Variants in CNTNAP2 observed in about 807,000 individuals in gnomAD.
CNTNAP2 encodes contactin-associated protein-like 2.
In CNTNAP2, 98 loss-of-function variants were observed where a neutral mutation model predicts 155.2. The ratio of observed to expected loss-of-function variants is 0.63; its 90% CI spans 0.54 to 0.75. The LOEUF is 0.75. Ranked by LOEUF, CNTNAP2 falls within the 30% of genes least tolerant of loss-of-function variation. The pLI, the probability that CNTNAP2 is intolerant of heterozygous loss-of-function variation, is 0.00. For missense variants in CNTNAP2, 1,727 were observed against 1,688.1 expected (o/e 1.02, Z -0.40); for synonymous variants, 651 against 631.2 (o/e 1.03, Z -0.47).
chr7:146,794,476 G>GA (rs1802732564), intron 2 of CNTNAP2, among the ~76,000 whole-genome samples: 1 of 152,126 alleles, frequency 6.6e-6, no homozygotes, highest in Non-Finnish European at 1.5e-5. Flanking sequence ...TTTCTCTACT[G>GA]AAACATATCA....
At chr7:147,462,499 GT>G (rs1234463150) in intron 10 of CNTNAP2, among the ~76,000 whole-genome samples, 7 of 152,072 alleles carry the variant, frequency 4.6e-5, no homozygotes, top group Non-Finnish European at 1.0e-4. Flanking sequence ...TCAATTTCAT[GT>G]TTTGATTTGA....
intron 8 of CNTNAP2, among the ~76,000 whole-genome samples, chr7:147,243,011 T>G (rs1248161746): frequency 1.5e-5 from 2 of 132,420 alleles, no homozygotes; most frequent in Non-Finnish European, 3.1e-5. Context: ...TTTTTTTTTT[T>G]TTTTTGAGAG....
chr7:147,820,562 T>G (rs957509913), intron 13 of CNTNAP2, among the ~76,000 whole-genome samples: 1 of 152,118 alleles, frequency 6.6e-6, no homozygotes, highest in Non-Finnish European at 1.5e-5. Flanking sequence ...TAGCACTTTC[T>G]CTGTGTTATC....
At chr7:146,483,280 AAAATATATATATATATAT>A (rs1796994647) in intron 1 of CNTNAP2, among the ~76,000 whole-genome samples, 1 of 54,478 alleles carries the variant, frequency 1.8e-5, no homozygotes, top group Non-Finnish European at 3.5e-5. Flanking sequence ...CGTCTAAAAA[AAAATATATATATATATAT>A]ATATATATAT....
chr7:148,124,907 C>CA (rs1331082042), intron 16 of CNTNAP2, among the ~76,000 whole-genome samples: 1 of 151,654 alleles, frequency 6.6e-6, no homozygotes, highest in African/African-American at 2.4e-5. Flanking sequence ...AAAAATCAGG[C>CA]AAAAAAGTTA....
At chr7:147,438,972 C>T (rs567906871) in intron 10 of CNTNAP2, among the ~76,000 whole-genome samples, 1 of 151,688 alleles carries the variant, frequency 6.6e-6, no homozygotes, top group Admixed American at 6.6e-5. Context: ...TTATTTGCAT[C>T]TTCTCTCTTT....
At chr7:147,900,163 C>T (rs1298948489) in intron 13 of CNTNAP2, among the ~76,000 whole-genome samples, 2 of 152,260 alleles carry the variant, frequency 1.3e-5, no homozygotes, top group East Asian at 1.9e-4. Flanking sequence ...CTCCCATCAC[C>T]CTGGCTGCCT....
intron 18 of CNTNAP2, among the ~76,000 whole-genome samples, chr7:148,198,827 C>A (rs777805119): frequency 6.6e-6 from 1 of 152,172 alleles, no homozygotes; most frequent in Non-Finnish European, 1.5e-5. Flanking sequence ...CACGCATTGC[C>A]GTAGAAAACT....
intron 3 of CNTNAP2, among the ~76,000 whole-genome samples, chr7:147,039,035 G>T (rs1563053780): frequency 6.6e-6 from 1 of 151,918 alleles, no homozygotes; most frequent in Non-Finnish European, 1.5e-5. Context: ...CCACAAACAG[G>T]CACAGTATGC....
intron 3 of CNTNAP2, among the ~76,000 whole-genome samples, chr7:146,975,411 G>A (rs1040644555): frequency 6.6e-6 from 1 of 152,136 alleles, no homozygotes; most frequent in Non-Finnish European, 1.5e-5. Context: ...GTTAAAGTGA[G>A]CCAAGATCAT....
intron 12 of CNTNAP2, among the ~76,000 whole-genome samples, chr7:147,636,308 GA>G (rs1218158293): frequency 7.9e-5 from 12 of 152,174 alleles, no homozygotes; most frequent in African/African-American, 2.9e-4. Flanking sequence ...TTAGAGCCTA[GA>G]AGATGAAGTC....
intron 22 of CNTNAP2, among the ~76,000 whole-genome samples, chr7:148,394,862 T>G (rs954868904): frequency 1.3e-5 from 2 of 152,118 alleles, no homozygotes; most frequent in Non-Finnish European, 2.9e-5. Flanking sequence ...TTCATAGGTT[T>G]CCCCTGGAAA....
intron 9 of CNTNAP2, among the ~76,000 whole-genome samples, chr7:147,363,598 A>T (rs1324812038): frequency 6.6e-6 from 1 of 152,172 alleles, no homozygotes; most frequent in Admixed American, 6.5e-5. Context: ...AATCTGTATG[A>T]TTCAGTCATC....
chr7:147,500,907 A>G (rs1798798613), intron 11 of CNTNAP2, among the ~76,000 whole-genome samples: 1 of 152,158 alleles, frequency 6.6e-6, no homozygotes, highest in African/African-American at 2.4e-5. Flanking sequence ...TTACCCTGAT[A>G]CTGAATCCAG....
At chr7:146,171,622 G>GT (rs1261621972) in intron 1 of CNTNAP2, among the ~76,000 whole-genome samples, 1 of 152,082 alleles carries the variant, frequency 6.6e-6, no homozygotes, top group Non-Finnish European at 1.5e-5. Context: ...AAATTGGCCT[G>GT]TTTCGTTTTT....
rs547050818 is a variant in CNTNAP2 at position 147,471,814 on chromosome 7, G to A, written c.1671-14121G>A. Reference sequence around the variant, plus strand: ...AGTGAATAAGACTGACAATGAACCCGAGAGGTATAGAACTAAAAAGTTTGA... The same window carrying A: ...AGTGAATAAGACTGACAATGAACCCAAGAGGTATAGAACTAAAAAGTTTGA... On this transcript the variant is annotated intron_variant, in intron 10 of 23. Transcript: ENST00000361727. Among the ~76,000 whole-genome samples, 8 of 152,258 alleles carry A rather than the reference G, an allele frequency of 5.3e-5. No homozygotes were observed. In the East Asian group the frequency reaches 1.2e-3, roughly 22 times the overall value.
chr7:147,271,442 A>G (rs762493937), intron 8 of CNTNAP2, among the ~76,000 whole-genome samples: 2 of 152,136 alleles, frequency 1.3e-5, no homozygotes, highest in Non-Finnish European at 2.9e-5. Context: ...TGCTCCAGAC[A>G]CCCTGAATGC....
chr7:148,196,938 G>A (rs1396297818), intron 18 of CNTNAP2, among the ~76,000 whole-genome samples: 1 of 152,196 alleles, frequency 6.6e-6, no homozygotes. Flanking sequence ...GCCCCTAGAA[G>A]TAAGTGCTTT....
At chr7:147,040,147 G>A (rs1051087727) in intron 3 of CNTNAP2, among the ~76,000 whole-genome samples, 1 of 152,108 alleles carries the variant, frequency 6.6e-6, no homozygotes, top group Non-Finnish European at 1.5e-5. Flanking sequence ...AAAAGGATAT[G>A]AACAGACACT....
Sources: allele counts gnomAD v4.1 joint callset (sites outside exome capture counted in the v4.1 genomes callset), GRCh38; gene constraint gnomAD v4.1.1; transcripts MANE v1.5; gene names NCBI Gene and HGNC (gene_info 2026-07-23, HGNC 2026-07-21).